Variants in SLC19A1 observed in about 807,000 individuals in gnomAD.
SLC19A1 encodes solute carrier family 19 member 1, also known as reduced folate transporter.
SLC19A1 carries 37 observed loss-of-function variants against 35.3 expected under a neutral mutation model. That is an observed-to-expected ratio of 1.05 (90% CI 0.81 to 1.38). The LOEUF (loss-of-function observed/expected upper bound fraction) is 1.38, where lower values mean the gene tolerates loss of function less well. Ranked by LOEUF, SLC19A1 falls within the 40% of genes most tolerant of loss-of-function variation. The probability of loss-of-function intolerance (pLI) is 0.00; values close to 1 mark genes in which losing one functional copy is unlikely to be tolerated. For missense variants in SLC19A1, 831 were observed against 826.9 expected (o/e 1.00, Z -0.06); for synonymous variants, 460 against 398.5 (o/e 1.15, Z -1.84).
rs544719314 is a variant in SLC19A1, at chr21:45,559,583, C to T, written c.-50+3159G>A. On this transcript the variant is annotated intron_variant, in intron 1 of 5. Transcript: ENST00000650808. The stretch of plus-strand genomic sequence containing the variant: ...GCAGGTACCTGTGGATTCTGATTTG[C>T]AGCTCTGTCCAGGGAGCATCCGGCC... Among the ~76,000 whole-genome samples, 4 of 152,280 alleles carry T rather than the reference C, an allele frequency of 2.6e-5. No individual in the cohort carries two copies. In the South Asian group the frequency reaches 8.3e-4, roughly 32 times the overall value.
At chr21:45,526,917 T>C (rs1209095342) in intron 4 of SLC19A1, among the ~76,000 whole-genome samples, 2 of 152,166 alleles carry the variant, frequency 1.3e-5, no homozygotes, top group Non-Finnish European at 2.9e-5. Flanking sequence ...ATACAATGGG[T>C]GTCACAAAAC....
Position 45,525,930 on chromosome 21 carries a change from C to A in SLC19A1, c.1180G>T (p.Glu394Ter). The change falls in exon 5 of 6, where the codon GAG (glutamate) becomes TAG (stop). Residue 394 changes from glutamate (E) to a stop codon, truncating the protein, a stop_gained. Coordinates refer to ENST00000311124, the MANE Select transcript of SLC19A1 (RefSeq NM_194255.4). LOFTEE classifies it high-confidence loss of function. ...TFQIASSLSK[E>*]LCALVFGVNT... is the part of the protein sequence containing the mutation. Reference sequence around the variant, plus strand: ...ACCCCGAAGACCAGGGCACAGAGCTCTTTAGACAGAGAAGATGCAATCTGA... The same window carrying A: ...ACCCCGAAGACCAGGGCACAGAGCTATTTAGACAGAGAAGATGCAATCTGA... The A allele has an allele frequency of 6.2e-7, 1 of 1,613,588 alleles. No individual in the cohort carries two copies. The highest frequency in any genetic ancestry group is 8.5e-7 in the Non-Finnish European group (1 of 1,179,956).
chr21:45,506,079 C>T, intron 3 of SLC19A1: 1 of 1,512,118 alleles, frequency 6.6e-7, no homozygotes, highest in Non-Finnish European at 9.1e-7. Flanking sequence ...CAGGTGGCAG[C>T]CAGCGCTTCT....
chr21:45,514,436 G>T lies in SLC19A1; in HGVS notation c.*1222C>A. 1 of 152,666 alleles carries T rather than the reference G, an allele frequency of 6.6e-6. No homozygotes were observed. Among genetic ancestry groups the T allele is most frequent in the Non-Finnish European group, 1.5e-5 (1 of 68,278 alleles). 9.5% of individuals were successfully genotyped at this position (152,666 alleles called of 1,614,324 possible). On this transcript the variant is annotated 3_prime_UTR_variant, in exon 6 of 6. Transcript: ENST00000311124. ...CCCTGAGCCACCTCGGGAGACCCCT[G>T]GGTCCAGCAGCTCCAGCAGCCCCTC...
chr21:45,558,689 C>T (rs2146514962), intron 1 of SLC19A1, among the ~76,000 whole-genome samples: 1 of 152,292 alleles, frequency 6.6e-6, no homozygotes, highest in South Asian at 2.1e-4. Flanking sequence ...TCGGGGCAGC[C>T]TTGTTGCCAG....
chr21:45,547,892 A>G (rs1441628189), upstream of SLC19A1, among the ~76,000 whole-genome samples: 2 of 152,244 alleles, frequency 1.3e-5, no homozygotes, highest in African/African-American at 4.8e-5. Context: ...TGGAAGGCTC[A>G]TTATTAAGGT....
chr21:45,532,425 A>G (rs952443844), intron 2 of SLC19A1, among the ~76,000 whole-genome samples: 2 of 152,258 alleles, frequency 1.3e-5, no homozygotes, highest in East Asian at 3.9e-4. Context: ...CTGTTCATCT[A>G]AGCTTCTCTA....
chr21:45,540,761 G>A lies in SLC19A1; in HGVS notation c.-50+1607C>T, dbSNP rs573812372. Among the ~76,000 whole-genome samples the A allele has an allele frequency of 1.3e-5, 2 of 152,096 alleles. No homozygotes were observed. Among genetic ancestry groups the A allele is most frequent in the African/African-American group, 4.8e-5 (2 of 41,400 alleles). On this transcript the variant is annotated intron_variant, in intron 1 of 5. Transcript: ENST00000311124. The surrounding 1 kb of genome is among the most constrained non-coding windows in gnomAD (Gnocchi z 5.5). ...TTCCCGGCATCTGAAGGAAGTCCCC[G>A]ACCAGACAGGAGGGCCACGGGGAAG...
chr21:45,512,501 G>C (rs2037670677), downstream of SLC19A1: 2 of 1,053,050 alleles, frequency 1.9e-6, no homozygotes, highest in African/African-American at 3.1e-5. Context: ...GGACCTGGCT[G>C]CCATACTTTC....
chr21:45,530,083 C>CATGA lies in SLC19A1; in HGVS notation c.1151+686_1151+687insTCAT. Reference sequence around the variant, plus strand: ...CATCTGTGAGCATGTGGTGTGTGTTCGTGTGTGGTGTGTCTGTGTGGTGTA... The same window carrying CATGA: ...CATCTGTGAGCATGTGGTGTGTGTTCATGAGTGTGTGGTGTGTCTGTGTGGTGTA... On this transcript the variant is annotated intron_variant, in intron 4 of 5. Transcript: ENST00000311124. This position sits in a 1 kb window ranked among gnomAD's most constrained non-coding sequence, Gnocchi z 5.3. Among the ~76,000 whole-genome samples, 1 of 131,194 alleles carries CATGA rather than the reference C, an allele frequency of 7.6e-6. No homozygotes were observed. The highest frequency in any genetic ancestry group is 2.5e-4 in the South Asian group (1 of 3,940). 86.1% of individuals were successfully genotyped at this position (131,194 alleles called of 152,430 possible). A position where few individuals can be genotyped will look rare whatever the true frequency, so the allele number is the denominator to read the frequency against.
At chr21:45,548,805 A>C (rs2078437971), upstream of SLC19A1, among the ~76,000 whole-genome samples, 1 of 152,218 alleles carries the variant, frequency 6.6e-6, no homozygotes, top group Admixed American at 6.5e-5. Context: ...AGACGTGAAA[A>C]TGTACCTAAT....
At chr21:45,532,371 C>A (rs962243869) in intron 2 of SLC19A1, among the ~76,000 whole-genome samples, 1 of 152,232 alleles carries the variant, frequency 6.6e-6, no homozygotes, top group Non-Finnish European at 1.5e-5. Context: ...CGTTCGCCTG[C>A]GGAAAGCTGG....
intron 4 of SLC19A1, among the ~76,000 whole-genome samples, chr21:45,527,980 A>G (rs1287601653): frequency 6.6e-6 from 1 of 151,926 alleles, no homozygotes; most frequent in African/African-American, 2.4e-5. Flanking sequence ...AAAATGTCCT[A>G]AAGTTCACCT....
rs914937017 is a variant in SLC19A1, at chr21:45,530,652, C to A, written c.1151+118G>T. The A allele has an allele frequency of 7.4e-6, 8 of 1,084,710 alleles. No individual in the cohort carries two copies. In the East Asian group the frequency reaches 1.7e-4, roughly 23 times the overall value. 67.2% of individuals were successfully genotyped at this position (1,084,710 alleles called of 1,614,324 possible). A position where few individuals can be genotyped will look rare whatever the true frequency, so the allele number is the denominator to read the frequency against. Reference sequence around the variant, plus strand: ...ACCCTGGTCAGCTCCAGGTGGCTGGCGGGGCCAGCAGTGGCACAGCCGCTG... The same window carrying A: ...ACCCTGGTCAGCTCCAGGTGGCTGGAGGGGCCAGCAGTGGCACAGCCGCTG... On this transcript the variant is annotated intron_variant, in intron 4 of 5. Transcript: ENST00000311124. The surrounding 1 kb of genome is among the most constrained non-coding windows in gnomAD (Gnocchi z 5.3).
Position 45,515,681 on chromosome 21 carries a change from C to A in SLC19A1, c.1753G>T (p.Gly585Cys), listed in dbSNP as rs144916610. Residue 585 changes from glycine to cysteine, a missense_variant, in exon 6 of 6, where the codon GGT (glycine) becomes TGT (cysteine). Transcript: ENST00000311124. The stretch of plus-strand genomic sequence containing the variant: ...AGTCACTGGTTCACATTCTGAACAC[C>A]GTCGCTTGGAAGACACTGCAAACCC... ...KLGLQCLPSD[G>C]VQNVNQ 2.6e-5 allele frequency: 42 copies of A among 1,613,550 alleles called. No individual in the cohort carries two copies. Among genetic ancestry groups the A allele is most frequent in the Admixed American group, 3.3e-5 (2 of 60,000 alleles).
At chr21:45,504,653 C>A in intron 3 of SLC19A1, 2 of 1,082,962 alleles carry the variant, frequency 1.8e-6, no homozygotes, top group Non-Finnish European at 2.7e-6. Flanking sequence ...CCGCGAAGGC[C>A]GGAGCTGCCC....
chr21:45,532,402 G>C (rs1346978737), intron 2 of SLC19A1, among the ~76,000 whole-genome samples: 1 of 152,202 alleles, frequency 6.6e-6, no homozygotes, highest in Non-Finnish European at 1.5e-5. Flanking sequence ...AGAAGGAATC[G>C]TTATTAACAA....
At chr21:45,518,936 G>A (rs761763625) in intron 5 of SLC19A1, among the ~76,000 whole-genome samples, 2 of 152,104 alleles carry the variant, frequency 1.3e-5, no homozygotes, top group Non-Finnish European at 2.9e-5. Context: ...CAGGAAAGAG[G>A]AAATACCACA....
chr21:45,504,575 A>G, intron 3 of SLC19A1: 2 of 1,561,118 alleles, frequency 1.3e-6, no homozygotes, highest in Non-Finnish European at 1.7e-6. Flanking sequence ...CAGCCTGTGC[A>G]GGCAGAGCCC....
Sources: allele counts gnomAD v4.1 joint callset (sites outside exome capture counted in the v4.1 genomes callset), GRCh38; gene constraint gnomAD v4.1.1; non-coding constraint Gnocchi (gnomAD v3.1); transcripts MANE v1.5; gene names NCBI Gene and HGNC (gene_info 2026-07-23, HGNC 2026-07-21).